ADORA2B: variants seen among roughly 807,000 people sequenced by gnomAD.
The protein encoded by ADORA2B is adenosine receptor A2b.
A neutral mutation model predicts 20.8 loss-of-function variants in ADORA2B; 18 were observed. That is an observed-to-expected ratio of 0.87 (90% CI 0.60 to 1.29). ADORA2B has a LOEUF of 1.29. Ranked by LOEUF, ADORA2B falls within the 50% of genes most tolerant of loss-of-function variation. The probability of loss-of-function intolerance (pLI) is 0.00; values close to 1 mark genes in which losing one functional copy is unlikely to be tolerated. For synonymous variants in ADORA2B, 179 were observed against 178.3 expected (o/e 1.00, Z -0.03); for missense variants, 441 against 422.7 (o/e 1.04, Z -0.38).
In ADORA2B at chr17:15,967,818, G is replaced by A. The variant is rs576697484; in HGVS notation, c.336-6861G>A. ...GTCCTGTAGCTCTCCGTACCTTTTC[G>A]TCGTAGCCCTTTTTTGGATTCTCCA... On this transcript the variant is annotated intron_variant, in intron 1 of 1. Transcript: ENST00000304222. Among the ~76,000 whole-genome samples the A allele has an allele frequency of 1.3e-4, 20 of 152,240 alleles. No homozygotes were observed. In the East Asian group the frequency reaches 3.3e-3, roughly 25 times the overall value.
At chr17:15,867,442 T>C in the ADORA2B span, among the ~76,000 whole-genome samples, 153 of 146,356 alleles carry the variant, frequency 1.0e-3, no homozygotes, top group African/African-American at 3.9e-3. Context: ...CCGCCCCATC[T>C]GAGAAGTGAG....
chr17:15,958,681 G>A (rs941912848), intron 1 of ADORA2B, among the ~76,000 whole-genome samples: 1 of 152,064 alleles, frequency 6.6e-6, no homozygotes, highest in African/African-American at 2.4e-5. Context: ...AGGCCTTTGC[G>A]CATGTGTTTC....
upstream of ADORA2B, among the ~76,000 whole-genome samples, chr17:15,940,362 C>T (rs567162518): frequency 2.6e-5 from 4 of 152,284 alleles, no homozygotes; most frequent in African/African-American, 7.2e-5. Flanking sequence ...TCAGGAAAAG[C>T]GGAGCCAGTC....
At chr17:15,905,436 A>G in the ADORA2B span, among the ~76,000 whole-genome samples, 9 of 152,170 alleles carry the variant, frequency 5.9e-5, no homozygotes, top group Admixed American at 5.9e-4. Context: ...ACTGGAGTGC[A>G]GTGGCGCAAT....
chr17:15,852,022 G>C, the ADORA2B span, among the ~76,000 whole-genome samples: 49,417 of 151,970 alleles, frequency 0.33, 8,656 homozygotes, highest in African/African-American at 0.45. Flanking sequence ...GTTTACAGAC[G>C]GTTTATTTTT....
At chr17:15,941,221 C>T (rs1969741884), upstream of ADORA2B, among the ~76,000 whole-genome samples, 1 of 152,310 alleles carries the variant, frequency 6.6e-6, no homozygotes, top group South Asian at 2.1e-4. Context: ...TTCCAGGAGT[C>T]AGGATCTAGA....
intron 1 of ADORA2B, among the ~76,000 whole-genome samples, chr17:15,953,966 A>C (rs2151597097): frequency 6.6e-6 from 1 of 151,830 alleles, no homozygotes; most frequent in Admixed American, 6.5e-5. Flanking sequence ...TATGCTGTTA[A>C]GGTTTATACC....
At chr17:15,970,019 G>A (rs1970170866) in intron 1 of ADORA2B, among the ~76,000 whole-genome samples, 1 of 152,212 alleles carries the variant, frequency 6.6e-6, no homozygotes, top group Non-Finnish European at 1.5e-5. Context: ...GCTTCTGCCT[G>A]AAAGGCCTCC....
intron 1 of ADORA2B, among the ~76,000 whole-genome samples, chr17:15,964,184 A>G (rs968328741): frequency 6.6e-5 from 10 of 152,244 alleles, no homozygotes; most frequent in African/African-American, 2.4e-4. Context: ...TCATATAAGT[A>G]AAATCTAATA....
chr17:15,913,011 A>C, the ADORA2B span, among the ~76,000 whole-genome samples: 1 of 152,132 alleles, frequency 6.6e-6, no homozygotes, highest in African/African-American at 2.4e-5. Flanking sequence ...GAAAACACTC[A>C]CCCTAGAAAG....
At chr17:15,865,856 C>T in the ADORA2B span, among the ~76,000 whole-genome samples, 4 of 146,272 alleles carry the variant, frequency 2.7e-5, no homozygotes, top group Admixed American at 1.4e-4. Context: ...TTTTAGGGAG[C>T]GGAAAGTTTA....
At chr17:15,855,517 A>AGAGGGTTTTTCTTC in the ADORA2B span, among the ~76,000 whole-genome samples, 1 of 151,900 alleles carries the variant, frequency 6.6e-6, no homozygotes. Context: ...TTAGAATAAC[A>AGAGGGTTTTTCTTC]GAGGGTTTTT....
chr17:15,880,881 T>G, the ADORA2B span, among the ~76,000 whole-genome samples: 2 of 152,246 alleles, frequency 1.3e-5, no homozygotes, highest in Non-Finnish European at 2.9e-5. Flanking sequence ...TTCATCCTAA[T>G]TGGGCAAGAT....
the ADORA2B span, among the ~76,000 whole-genome samples, chr17:15,894,318 G>A: frequency 3.3e-5 from 5 of 152,342 alleles, no homozygotes; most frequent in Admixed American, 2.6e-4. Context: ...GAAACTCAGT[G>A]CTGTGAGAGT....
chr17:15,876,443 TTTTTTC>T, the ADORA2B span, among the ~76,000 whole-genome samples: 1 of 118,764 alleles, frequency 8.4e-6, no homozygotes, highest in Non-Finnish European at 1.6e-5. Flanking sequence ...CTTTCTTTTC[TTTTTTC>T]TTTTTTTTTT....
At chr17:15,884,052 A>G in the ADORA2B span, among the ~76,000 whole-genome samples, 18 of 152,220 alleles carry the variant, frequency 1.2e-4, no homozygotes, top group African/African-American at 3.4e-4. Context: ...GACTGCTCAG[A>G]GTCACACTCT....
At position 15,963,408 on chromosome 17, in the gene ADORA2B, C is replaced by T. The variant is rs145814902; in HGVS notation, c.336-11271C>T. Among the ~76,000 whole-genome samples, 704 of 152,318 alleles carry T rather than the reference C, an allele frequency of 4.6e-3. 4 individuals are homozygous for T. The highest frequency in any genetic ancestry group is 6.0e-3 in the Non-Finnish European group (409 of 68,034). Reference sequence around the variant, plus strand: ...AGTGCCTTCTCATGTACCCCTCTTGCTGGTCGCTTGTGTTTATGGCGGCTG... The same window carrying T: ...AGTGCCTTCTCATGTACCCCTCTTGTTGGTCGCTTGTGTTTATGGCGGCTG... On this transcript the variant is annotated intron_variant, in intron 1 of 1. Transcript: ENST00000304222.
chr17:15,906,764 C>A, the ADORA2B span, among the ~76,000 whole-genome samples: 66 of 152,314 alleles, frequency 4.3e-4, no homozygotes, highest in African/African-American at 1.5e-3. Flanking sequence ...CTATTTCAAA[C>A]AAATGTCATG....
intron 1 of ADORA2B, among the ~76,000 whole-genome samples, chr17:15,960,792 C>T (rs1326507780): frequency 1.3e-5 from 2 of 150,784 alleles, no homozygotes; most frequent in African/African-American, 4.9e-5. Flanking sequence ...AGGAGAATGG[C>T]GTGAGTCCAG....
Sources: gnomAD v4.1 joint callset for allele counts (sites outside exome capture counted in the v4.1 genomes callset) on GRCh38, gnomAD v4.1.1 for gene constraint, MANE v1.5 for transcripts, NCBI Gene and HGNC (gene_info 2026-07-23, HGNC 2026-07-21) for gene names.